Variants in ASB13 observed in about 807,000 individuals in gnomAD.
The protein encoded by ASB13 is ankyrin repeat and SOCS box protein 13.
A neutral mutation model predicts 28.8 loss-of-function variants in ASB13; 33 were observed. The observed-to-expected ratio is 1.15, with a 90% CI of 0.87 to 1.53. The LOEUF is 1.53. ASB13 is among the 40% of genes most tolerant of loss of function. The pLI, the probability that ASB13 is intolerant of heterozygous loss-of-function variation, is 0.00. For synonymous variants in ASB13, 182 were observed against 172.9 expected, an observed-to-expected ratio of 1.05 and a Z score of -0.41; for missense variants, 414 against 390.1, an observed-to-expected ratio of 1.06 and a Z score of -0.52.
intron 1 of ASB13, among the ~76,000 whole-genome samples, chr10:5,654,444 G>A (rs1161380993): frequency 6.6e-6 from 1 of 152,202 alleles, no homozygotes; most frequent in African/African-American, 2.4e-5. Flanking sequence ...AGGACCATCA[G>A]GTGCCTGGAG....
rs1047472300 is a variant in ASB13, at chr10:5,641,621, C to T, written c.709+149G>A. On this transcript the variant is annotated intron_variant, in intron 5 of 5. Coordinates refer to ENST00000357700, the MANE Select transcript of ASB13 (RefSeq NM_024701.4). This position sits in a 1 kb window ranked among gnomAD's most constrained non-coding sequence, Gnocchi z 8.4. ...CTGGGGCAACAGCACAAACAGCCCC[C>T]GCAAAGTGCTTAAGGGTCTGTCCTA... 1.3e-5 allele frequency: 10 copies of T among 791,582 alleles called. No individual in the cohort carries two copies. The highest frequency in any genetic ancestry group is 8.2e-5 in the South Asian group (3 of 36,488). 49.0% of individuals were successfully genotyped at this position (791,582 alleles called of 1,614,324 possible).
chr10:5,661,457 T>C lies in ASB13; in HGVS notation c.43+5052A>G, dbSNP rs1259214477. 2.6e-5 allele frequency among the ~76,000 whole-genome samples: 4 copies of C among 152,222 alleles called. No homozygotes were observed. The highest frequency in any genetic ancestry group is 1.9e-4 in the East Asian group (1 of 5,196). The stretch of plus-strand genomic sequence containing the variant: ...ATGCTGGCTTTGAATCCAGGTCAAA[T>C]ACCCAAGATGCACCTTTTTTCCTAT... On this transcript the variant is annotated intron_variant, in intron 1 of 5. Transcript: ENST00000357700. The surrounding 1 kb of genome is among the most constrained non-coding windows in gnomAD (Gnocchi z 4.9).
In ASB13 at chr10:5,658,488, A is replaced by T. The variant is rs2131455544; in HGVS notation, c.44-5438T>A. On this transcript the variant is annotated intron_variant, in intron 1 of 5. Transcript: ENST00000357700. The surrounding 1 kb of genome is among the most constrained non-coding windows in gnomAD (Gnocchi z 4.2). The stretch of plus-strand genomic sequence containing the variant: ...AGCCAAATACTGTATGATTCCACTT[A>T]TGTGAGGTCCCTCGAGTAGTCAAAT... Among the ~76,000 whole-genome samples, 1 of 152,154 alleles carries T rather than the reference A, an allele frequency of 6.6e-6. No homozygotes were observed. The highest frequency in any genetic ancestry group is 2.1e-4 in the South Asian group (1 of 4,820).
In ASB13 at chr10:5,641,838, C is replaced by A; in HGVS notation, c.641G>T (p.Arg214Leu). The change falls in exon 5 of 6, where the codon CGC (arginine) becomes CTC (leucine). Residue 214 changes from arginine (R) to leucine (L), a missense_variant. Physicochemically the swap from Arg to Leu is moderately radical, Grantham distance 102. Coordinates refer to ENST00000357700, the MANE Select transcript of ASB13 (RefSeq NM_024701.4). The surrounding 1 kb of genome is among the most constrained non-coding windows in gnomAD (Gnocchi z 8.4). The part of the protein sequence containing the change: ...FGGNIYARDN[R>L]GKKPSDYTWS... ...CGTGTAGTCAGACGGCTTCTTCCCG[C>A]GGTTGTCCCGGGCGTAGATGTTGCC... 3 of 1,613,566 alleles carry A rather than the reference C, an allele frequency of 1.9e-6. No individual in the cohort carries two copies. Among genetic ancestry groups the A allele is most frequent in the Non-Finnish European group, 2.5e-6 (3 of 1,179,836 alleles).
intron 1 of ASB13, 133 bp downstream of exon 1, chr10:5,666,376 C>G: frequency 2.7e-6 from 2 of 739,908 alleles, no homozygotes; most frequent in Non-Finnish European, 3.5e-6. Context: ...CGGCCCACCC[C>G]GCCAAACGCC....
chr10:5,647,037 GAGTA>G (rs1326643199), intron 4 of ASB13, among the ~76,000 whole-genome samples: 2 of 152,236 alleles, frequency 1.3e-5, no homozygotes, highest in Non-Finnish European at 2.9e-5. Context: ...ACATGAAAGT[GAGTA>G]AGATTCTCCA....
rs4750217 is a variant in ASB13 at position 5,663,937 on chromosome 10, G to A, written c.43+2572C>T. On this transcript the variant is annotated intron_variant, in intron 1 of 5. Transcript: ENST00000357700. This position sits in a 1 kb window ranked among gnomAD's most constrained non-coding sequence, Gnocchi z 4.9. ...TAGAGCTGTGTTTCTGATTAAACAC[G>A]GAGGATCTTCTCTGCCCCTCAGCAA... Among the ~76,000 whole-genome samples, 79,483 of 151,944 alleles carry A rather than the reference G, an allele frequency of 0.52. 21,260 individuals are homozygous for A. Among genetic ancestry groups the A allele is most frequent in the Middle Eastern group, 0.62 (182 of 294 alleles).
chr10:5,661,365 C>G lies in ASB13; in HGVS notation c.43+5144G>C, dbSNP rs1043113457. 1.3e-5 allele frequency among the ~76,000 whole-genome samples: 2 copies of G among 152,214 alleles called. No individual in the cohort carries two copies. Among genetic ancestry groups the G allele is most frequent in the African/African-American group, 4.8e-5 (2 of 41,444 alleles). On this transcript the variant is annotated intron_variant, in intron 1 of 5. Transcript: ENST00000357700. This position sits in a 1 kb window ranked among gnomAD's most constrained non-coding sequence, Gnocchi z 4.9. ...CCTGGGGCCTCTCCAGGGTCAGGGC[C>G]CACTCCAACAAAGAGCATTCTCAAA... is the stretch of plus-strand genomic sequence containing the variant.
chr10:5,644,566 C>T lies in ASB13; in HGVS notation c.518-2605G>A, dbSNP rs1028761444. ...GACACGGTGGCTCATGCCTGTAATCCCAGCACTTTGAGAGCCTGAGGCGGG... is the reference window on the plus strand; with the variant it reads ...GACACGGTGGCTCATGCCTGTAATCTCAGCACTTTGAGAGCCTGAGGCGGG... On this transcript the variant is annotated intron_variant, in intron 4 of 5. Transcript: ENST00000357700. This position sits in a 1 kb window ranked among gnomAD's most constrained non-coding sequence, Gnocchi z 5.1. Among the ~76,000 whole-genome samples, 4 of 151,784 alleles carry T rather than the reference C, an allele frequency of 2.6e-5. No homozygotes were observed. The highest frequency in any genetic ancestry group is 6.6e-5 in the Admixed American group (1 of 15,228).
chr10:5,646,403 G>A (rs1202152436), intron 4 of ASB13, among the ~76,000 whole-genome samples: 2 of 152,222 alleles, frequency 1.3e-5, no homozygotes, highest in Non-Finnish European at 2.9e-5. Context: ...GTGTGAAAAG[G>A]GATTTTCCAC....
In ASB13 at chr10:5,651,622, G is replaced by A. The variant is rs878952952; in HGVS notation, c.232-259C>T. The A allele has an allele frequency of 1.4e-5, 6 of 434,374 alleles. No homozygotes were observed. Among genetic ancestry groups the A allele is most frequent in the African/African-American group, 1.0e-4 (5 of 48,676 alleles). The allele number at this position is 434,374 out of a possible 1,614,324, so 26.9% of individuals were successfully genotyped here. ...GCTCAGCAGCCCCCTCGCCACCCCCGCCCCAAACACCTAGTAAGCACAGAG... is the reference window on the plus strand; with the variant it reads ...GCTCAGCAGCCCCCTCGCCACCCCCACCCCAAACACCTAGTAAGCACAGAG... On this transcript the variant is annotated intron_variant, in intron 2 of 5. Transcript: ENST00000357700. The surrounding 1 kb of genome is among the most constrained non-coding windows in gnomAD (Gnocchi z 5.1).
In ASB13 at chr10:5,641,750, C is replaced by G. The variant is rs9645604; in HGVS notation, c.709+20G>C. 25 of 1,549,926 alleles carry G rather than the reference C, an allele frequency of 1.6e-5. No individual in the cohort carries two copies. In the African/African-American group the frequency reaches 3.2e-4, roughly 20 times the overall value. On this transcript the variant is annotated intron_variant, in intron 5 of 5. Coordinates refer to ENST00000357700, the MANE Select transcript of ASB13 (RefSeq NM_024701.4). This position sits in a 1 kb window ranked among gnomAD's most constrained non-coding sequence, Gnocchi z 8.4. ...GCTGAAGGCTGGAGGGGATGGGGTG[C>G]GCTCGGTGGGGTGTCTCACTTTCGT...
rs1834961692 is a variant in ASB13, at chr10:5,650,124, C to A, written c.383-1020G>T. Among the ~76,000 whole-genome samples, 1 of 152,080 alleles carries A rather than the reference C, an allele frequency of 6.6e-6. No individual in the cohort carries two copies. The highest frequency in any genetic ancestry group is 2.4e-5 in the African/African-American group (1 of 41,404). ...CTGACTCATTTCTGACCTCTTGAGC[C>A]TCCCCTTCATACGAAATCCTATGGA... On this transcript the variant is annotated intron_variant, in intron 3 of 5. Coordinates refer to ENST00000357700, the MANE Select transcript of ASB13 (RefSeq NM_024701.4). This position sits in a 1 kb window ranked among gnomAD's most constrained non-coding sequence, Gnocchi z 6.0.
Position 5,652,696 on chromosome 10 carries a change from A to G in ASB13, c.231+167T>C, listed in dbSNP as rs1230979425. ...CTTTCTTCCACCACCGTGACCTCCTAACAGCCAGGTCCACGAGCACTTCTC... is the reference window on the plus strand; with the variant it reads ...CTTTCTTCCACCACCGTGACCTCCTGACAGCCAGGTCCACGAGCACTTCTC... On this transcript the variant is annotated intron_variant, in intron 2 of 5. Coordinates refer to ENST00000357700, the MANE Select transcript of ASB13 (RefSeq NM_024701.4). The surrounding 1 kb of genome is among the most constrained non-coding windows in gnomAD (Gnocchi z 5.0). Among the ~76,000 whole-genome samples the G allele has an allele frequency of 6.6e-6, 1 of 152,032 alleles. No homozygotes were observed.
rs542475533 is a variant in ASB13, at chr10:5,661,528, G to C, written c.43+4981C>G. ...TTATTTATTTTTGAAACAGGGTCTCGCTGTCACCCAAGCTGAAGTGCAGTG... is the reference window on the plus strand; with the variant it reads ...TTATTTATTTTTGAAACAGGGTCTCCCTGTCACCCAAGCTGAAGTGCAGTG... On this transcript the variant is annotated intron_variant, in intron 1 of 5. Transcript: ENST00000357700. The surrounding 1 kb of genome is among the most constrained non-coding windows in gnomAD (Gnocchi z 4.9). Among the ~76,000 whole-genome samples the C allele has an allele frequency of 1.3e-5, 2 of 151,978 alleles. No individual in the cohort carries two copies. The highest frequency in any genetic ancestry group is 4.8e-5 in the African/African-American group (2 of 41,390).
rs1834952476 is a variant in ASB13 at position 5,649,544 on chromosome 10, T to A, written c.383-440A>T. Among the ~76,000 whole-genome samples, 1 of 141,356 alleles carries A rather than the reference T, an allele frequency of 7.1e-6. No individual in the cohort carries two copies. Among genetic ancestry groups the A allele is most frequent in the Non-Finnish European group, 1.6e-5 (1 of 62,514 alleles). The allele number at this position is 141,356 out of a possible 152,430, so 92.7% of individuals were successfully genotyped here. A position where few individuals can be genotyped will look rare whatever the true frequency, so the allele number is the denominator to read the frequency against. ...GCCTCTCCTGCCTCTTTTTTTTTTTTAGACAAAGTCTCATTCTGTTGCCCA... is the reference window on the plus strand; with the variant it reads ...GCCTCTCCTGCCTCTTTTTTTTTTTAAGACAAAGTCTCATTCTGTTGCCCA... On this transcript the variant is annotated intron_variant, in intron 3 of 5. Coordinates refer to ENST00000357700, the MANE Select transcript of ASB13 (RefSeq NM_024701.4). This position sits in a 1 kb window ranked among gnomAD's most constrained non-coding sequence, Gnocchi z 6.4.
rs1835145857 is a variant in ASB13 at position 5,660,681 on chromosome 10, T to C, written c.43+5828A>G. ...ATGGCTCCAGGATCATTGCTGTCATTATTACCCTACCAGTCCTGTGGGGAG... is the reference window on the plus strand; with the variant it reads ...ATGGCTCCAGGATCATTGCTGTCATCATTACCCTACCAGTCCTGTGGGGAG... On this transcript the variant is annotated intron_variant, in intron 1 of 5. Coordinates refer to ENST00000357700, the MANE Select transcript of ASB13 (RefSeq NM_024701.4). This position sits in a 1 kb window ranked among gnomAD's most constrained non-coding sequence, Gnocchi z 6.1. Among the ~76,000 whole-genome samples, 1 of 152,192 alleles carries C rather than the reference T, an allele frequency of 6.6e-6. No individual in the cohort carries two copies. Among genetic ancestry groups the C allele is most frequent in the Admixed American group, 6.5e-5 (1 of 15,278 alleles).
Position 5,651,612 on chromosome 10 carries a change from C to G in ASB13, c.232-249G>C. 1 of 441,692 alleles carries G rather than the reference C, an allele frequency of 2.3e-6. No individual in the cohort carries two copies. The highest frequency in any genetic ancestry group is 4.1e-6 in the Non-Finnish European group (1 of 245,470). The allele number at this position is 441,692 out of a possible 1,614,324, so 27.4% of individuals were successfully genotyped here. ...GGCAGGATAAGCTCAGCAGCCCCCTCGCCACCCCCGCCCCAAACACCTAGT... is the reference window on the plus strand; with the variant it reads ...GGCAGGATAAGCTCAGCAGCCCCCTGGCCACCCCCGCCCCAAACACCTAGT... On this transcript the variant is annotated intron_variant, in intron 2 of 5. Coordinates refer to ENST00000357700, the MANE Select transcript of ASB13 (RefSeq NM_024701.4). This position sits in a 1 kb window ranked among gnomAD's most constrained non-coding sequence, Gnocchi z 5.1.
Position 5,655,141 on chromosome 10 carries a change from G to A in ASB13, c.44-2091C>T, listed in dbSNP as rs184351411. ...AAAGTGTCTGCATCGAATTTCCTCTGCAGGTGGGTAGCCTCATCAGTTAGT... is the reference window on the plus strand; with the variant it reads ...AAAGTGTCTGCATCGAATTTCCTCTACAGGTGGGTAGCCTCATCAGTTAGT... On this transcript the variant is annotated intron_variant, in intron 1 of 5. Coordinates refer to ENST00000357700, the MANE Select transcript of ASB13 (RefSeq NM_024701.4). The surrounding 1 kb of genome is among the most constrained non-coding windows in gnomAD (Gnocchi z 6.2). Among the ~76,000 whole-genome samples the A allele has an allele frequency of 1.1e-4, 16 of 151,270 alleles. No individual in the cohort carries two copies. Among genetic ancestry groups the A allele is most frequent in the South Asian group, 2.1e-4 (1 of 4,786 alleles).
Sources: gnomAD v4.1 joint callset for allele counts (sites outside exome capture counted in the v4.1 genomes callset) on GRCh38, gnomAD v4.1.1 for gene constraint, Gnocchi (gnomAD v3.1) non-coding constraint, MANE v1.5 for transcripts, NCBI Gene and HGNC (gene_info 2026-07-23, HGNC 2026-07-21) for gene names.